FLAD1: variants seen among roughly 807,000 people sequenced by gnomAD.
FLAD1 encodes flavin adenine dinucleotide synthetase 1.
Under a neutral mutation model 55.0 loss-of-function variants are expected in FLAD1, and 35 were observed. The observed-to-expected ratio is 0.64, with a 90% confidence interval of 0.49 to 0.84. FLAD1 has a LOEUF of 0.84. Ranked by LOEUF, FLAD1 falls within the 40% of genes least tolerant of loss-of-function variation. The probability of loss-of-function intolerance (pLI) is 0.00; values close to 1 mark genes in which losing one functional copy is unlikely to be tolerated. For synonymous variants in FLAD1, 267 were observed against 303.0 expected (o/e 0.88, Z 1.23); for missense variants, 665 against 742.6 (o/e 0.90, Z 1.21).
At chr1:154,992,688 C>T in intron 5 of FLAD1, 25 bp from the exon 6 acceptor site, 1 of 1,614,170 alleles carries the variant, frequency 6.2e-7, no homozygotes. Flanking sequence ...GCATTTGTGA[C>T]TATTCTATTA....
In FLAD1 at chr1:154,984,086, G is replaced by A. The variant is rs1657453738; in HGVS notation, c.372+20G>A. ...CTTAAGGTGTGTCTGGGACAGAAAA[G>A]GGGGGAGGGCGCTGCGTTCTCCTGT... is the stretch of plus-strand genomic sequence containing the variant. On this transcript the variant is annotated intron_variant, in intron 1 of 6. Coordinates refer to ENST00000292180, the MANE Select transcript of FLAD1 (RefSeq NM_025207.5). The A allele has an allele frequency of 1.3e-6, 2 of 1,481,518 alleles. No homozygotes were observed. The highest frequency in any genetic ancestry group is 4.6e-5 in the East Asian group (2 of 43,372). The allele number at this position is 1,481,518 out of a possible 1,614,324, so 91.8% of individuals were successfully genotyped here.
At position 154,990,336 on chromosome 1, in the gene FLAD1, A is replaced by G. The variant is rs781327143; in HGVS notation, c.1365-3A>G. 21 of 1,613,394 alleles carry G rather than the reference A, an allele frequency of 1.3e-5. No individual in the cohort carries two copies. Among genetic ancestry groups the G allele is most frequent in the African/African-American group, 2.7e-5 (2 of 74,866 alleles). On this transcript the variant is annotated splice_region_variant and splice_polypyrimidine_tract_variant and intron_variant, in intron 4 of 6. Transcript: ENST00000292180. ...CCGACCCCTACTTCTGTTTCTTCCT[A>G]AGGTATAATCTGCAGATGTTGGAAG...
chr1:154,988,830 A>G lies in FLAD1; in HGVS notation c.1098A>G (p.Val366=). ...PNAVEQASEA[V]YKLAESGSSL... ...CTGTGGAGCAGGCCAGTGAGGCTGT[A>G]TACAAACTCGCTGAATCAGGTAGGG... Residue 366 remains valine, a synonymous_variant, in exon 2 of 7, where the codon GTA becomes GTG. Transcript: ENST00000292180. 6.2e-7 allele frequency: 1 copy of G among 1,614,194 alleles called. No individual in the cohort carries two copies. Among genetic ancestry groups the G allele is most frequent in the Non-Finnish European group, 8.5e-7 (1 of 1,180,026 alleles).
rs754788619 is a variant in FLAD1, at chr1:154,989,655, G to A, written c.1213G>A (p.Gly405Arg). Reference sequence around the variant, plus strand: ...CACCCAGCTCTGTGTGGGCTTCAACGGGGGCAAAGACTGCACTGCCCTCCT... The same window carrying A: ...CACCCAGCTCTGTGTGGGCTTCAACAGGGGCAAAGACTGCACTGCCCTCCT... ...SLTQLCVGFNGGKDCTALLHL... is the reference protein window; with the variant it reads ...SLTQLCVGFNRGKDCTALLHL... The change falls in exon 3 of 7, where the codon GGG (glycine) becomes AGG (arginine). Residue 405 changes from glycine to arginine, a missense_variant. By Grantham distance (125) the Gly-to-Arg change is moderately radical. Coordinates refer to ENST00000292180, the MANE Select transcript of FLAD1 (RefSeq NM_025207.5). 54 of 1,597,316 alleles carry A rather than the reference G, an allele frequency of 3.4e-5. No individual in the cohort carries two copies. Among genetic ancestry groups the A allele is most frequent in the East Asian group, 4.6e-5 (2 of 43,890 alleles).
At position 154,989,506 on chromosome 1, in the gene FLAD1, C is replaced by T. The variant is rs962275886; in HGVS notation, c.1118-54C>T. 50 of 1,467,226 alleles carry T rather than the reference C, an allele frequency of 3.4e-5. No homozygotes were observed. The African/African-American group carries it at 7.2e-4, about 21-fold the overall frequency. 90.9% of individuals were successfully genotyped at this position (1,467,226 alleles called of 1,614,324 possible). A position where few individuals can be genotyped will look rare whatever the true frequency, so the allele number is the denominator to read the frequency against. On this transcript the variant is annotated intron_variant, in intron 2 of 6. Coordinates refer to ENST00000292180, the MANE Select transcript of FLAD1 (RefSeq NM_025207.5). Reference sequence around the variant, plus strand: ...AGCAAGGGCAGCATGCCTTCACTCCCCTTTGATAGCCATATGTGTCCATCT... The same window carrying T: ...AGCAAGGGCAGCATGCCTTCACTCCTCTTTGATAGCCATATGTGTCCATCT...
chr1:154,989,592 C>T lies in FLAD1; in HGVS notation c.1150C>T (p.Leu384=), dbSNP rs535077896. The change falls in exon 3 of 7, where the codon CTA becomes TTA. Residue 384 remains leucine, a synonymous_variant. Coordinates refer to ENST00000292180, the MANE Select transcript of FLAD1 (RefSeq NM_025207.5). ...TTTGGGGAAAAAGGTGGCAGGTGCCCTACAGACCATTGAGACCTCCCTGGC... is the reference window on the plus strand; with the variant it reads ...TTTGGGGAAAAAGGTGGCAGGTGCCTTACAGACCATTGAGACCTCCCTGGC... ...SSLGKKVAGA[L]QTIETSLAQY... The T allele has an allele frequency of 2.0e-5, 32 of 1,599,902 alleles. No individual in the cohort carries two copies. The highest frequency in any genetic ancestry group is 2.6e-5 in the Non-Finnish European group (31 of 1,172,364).
Position 154,984,027 on chromosome 1 carries a change from G to C in FLAD1, c.333G>C (p.Val111=). ...CTGAACTTTCTCCGGGGCGCAGCGT[G>C]ACGGCTGGCATCATCATTGTTGGAG... ...RASELSPGRS[V]TAGIIIVGDE... is the part of the protein sequence containing the mutation. The change falls in exon 1 of 7, where the codon GTG becomes GTC. Residue 111 remains valine, a synonymous_variant. Coordinates refer to ENST00000292180, the MANE Select transcript of FLAD1 (RefSeq NM_025207.5). 1 of 1,513,864 alleles carries C rather than the reference G, an allele frequency of 6.6e-7. No individual in the cohort carries two copies. The highest frequency in any genetic ancestry group is 8.8e-7 in the Non-Finnish European group (1 of 1,130,866). The allele number at this position is 1,513,864 out of a possible 1,614,324, so 93.8% of individuals were successfully genotyped here. A position where few individuals can be genotyped will look rare whatever the true frequency, so the allele number is the denominator to read the frequency against.
intron 1 of FLAD1, 52 bp from the exon 2 acceptor site, chr1:154,988,053 T>G (rs1343625238): frequency 6.2e-7 from 1 of 1,613,588 alleles, no homozygotes. Flanking sequence ...CTTCAACCCC[T>G]CCCCTTCATC....
chr1:154,992,860 C>A, intron 6 of FLAD1, 42 bp from the exon 7 acceptor site: 1 of 1,613,832 alleles, frequency 6.2e-7, no homozygotes. Flanking sequence ...AATAGGATCG[C>A]CCACCCTACC....
intron 5 of FLAD1, 43 bp downstream of exon 5, chr1:154,990,571 C>G (rs952706524): frequency 6.5e-7 from 1 of 1,526,776 alleles, no homozygotes; most frequent in African/African-American, 1.4e-5. Flanking sequence ...TCACGTGCCC[C>G]AGCAGTCACT....
In FLAD1 at chr1:154,987,282, A is replaced by G. The variant is rs1292428906; in HGVS notation, c.373-823A>G. Among the ~76,000 whole-genome samples, 3 of 150,638 alleles carry G rather than the reference A, an allele frequency of 2.0e-5. No individual in the cohort carries two copies. In the East Asian group the frequency reaches 5.9e-4, roughly 30 times the overall value. Reference sequence around the variant, plus strand: ...GAGCTCAAGCGAGCCACCCCACTCCACCTCCCAAAGGGCTGGAATTACAGG... The same window carrying G: ...GAGCTCAAGCGAGCCACCCCACTCCGCCTCCCAAAGGGCTGGAATTACAGG... On this transcript the variant is annotated intron_variant, in intron 1 of 6. Transcript: ENST00000292180.
intron 2 of FLAD1, among the ~76,000 whole-genome samples, chr1:154,989,335 A>T (rs1360777955): frequency 6.6e-6 from 1 of 152,202 alleles, no homozygotes; most frequent in Non-Finnish European, 1.5e-5. Context: ...ACCCCCTGCT[A>T]CAGAGGAATG....
chr1:154,989,799 T>A, intron 3 of FLAD1, 92 bp downstream of exon 3: 1 of 1,353,632 alleles, frequency 7.4e-7, no homozygotes, highest in Non-Finnish European at 9.9e-7. Context: ...CAGGTGGAGT[T>A]CAAGAGGGAG....
Position 154,988,954 on chromosome 1 carries a change from G to A in FLAD1, c.1117+105G>A, listed in dbSNP as rs543929460. 3 of 1,549,146 alleles carry A rather than the reference G, an allele frequency of 1.9e-6. No individual in the cohort carries two copies. The Admixed American group carries it at 6.0e-5, about 31-fold the overall frequency. On this transcript the variant is annotated intron_variant, in intron 2 of 6. Transcript: ENST00000292180. ...GGTGCTTCCTGCAAATCCCTGAGAG[G>A]GCAGAAGATAGCTTCTGTTAATTCA...
At position 154,988,288 on chromosome 1, in the gene FLAD1, G is replaced by T; in HGVS notation, c.556G>T (p.Val186Leu). The change falls in exon 2 of 7, where the codon GTG becomes TTG. Residue 186 changes from valine (V) to leucine (L), a missense_variant. Transcript: ENST00000292180. ...GGGCATCGGCCCCACTCATGATGAT[G>T]TGACCTTTGAGGCAGTGGCACAGGC... ...AGGIGPTHDD[V>L]TFEAVAQAFG... 6.2e-7 allele frequency: 1 copy of T among 1,614,236 alleles called. No individual in the cohort carries two copies. Among genetic ancestry groups the T allele is most frequent in the African/African-American group, 1.3e-5 (1 of 75,046 alleles).
chr1:154,985,031 A>ATTTTTTTTT (rs749772991), intron 1 of FLAD1, among the ~76,000 whole-genome samples: 2 of 32,550 alleles, frequency 6.1e-5, no homozygotes, highest in African/African-American at 1.2e-4. Flanking sequence ...CACCTGGCTA[A>ATTTTTTTTT]TTTTTTTTTT....
chr1:154,986,704 C>CATTTTT, intron 1 of FLAD1, among the ~76,000 whole-genome samples: 1 of 91,722 alleles, frequency 1.1e-5, no homozygotes, highest in Admixed American at 1.1e-4. Context: ...GCCCCCCACC[C>CATTTTT]TTTTTTTTTT....
At position 154,985,031 on chromosome 1, in the gene FLAD1, ATTTTTTTTTTTTTTTT is replaced by A. The variant is rs749772991; in HGVS notation, c.372+983_372+998del. On this transcript the variant is annotated intron_variant, in intron 1 of 6. Transcript: ENST00000292180. ...AGGTGTTAGCCGCCACACCTGGCTA[ATTTTTTTTTTTTTTTT>A]TTTTTTTTTTTTTTTTTCAGAAACG... is the stretch of plus-strand genomic sequence containing the variant. 5.8e-4 allele frequency among the ~76,000 whole-genome samples: 19 copies of A among 32,588 alleles called. 2 individuals carry two copies. The highest frequency in any genetic ancestry group is 5.6e-3 in the South Asian group (3 of 534). 21.4% of individuals were successfully genotyped at this position (32,588 alleles called of 152,430 possible). A position where few individuals can be genotyped will look rare whatever the true frequency, so the allele number is the denominator to read the frequency against.
Position 154,988,827 on chromosome 1 carries a change from T to G in FLAD1, c.1095T>G (p.Ala365=). The G allele has an allele frequency of 6.2e-7, 1 of 1,614,208 alleles. No individual in the cohort carries two copies. The highest frequency in any genetic ancestry group is 8.5e-7 in the Non-Finnish European group (1 of 1,180,030). The part of the protein sequence containing the change: ...MPNAVEQASE[A]VYKLAESGSS... ...ACGCTGTGGAGCAGGCCAGTGAGGC[T>G]GTATACAAACTCGCTGAATCAGGTA... is the stretch of plus-strand genomic sequence containing the variant. The change falls in exon 2 of 7, where the codon GCT becomes GCG. Residue 365 remains alanine, a synonymous_variant. Coordinates refer to ENST00000292180, the MANE Select transcript of FLAD1 (RefSeq NM_025207.5).
Sources: gnomAD v4.1 joint callset for allele counts (sites outside exome capture counted in the v4.1 genomes callset) on GRCh38, gnomAD v4.1.1 for gene constraint, MANE v1.5 for transcripts, NCBI Gene and HGNC (gene_info 2026-07-23, HGNC 2026-07-21) for gene names.